The following SCFD2 variants were observed in gnomAD, a reference collection of about 807,000 sequenced individuals.
SCFD2 encodes the protein sec1 family domain-containing protein 2.
Under a neutral mutation model 58.9 loss-of-function variants are expected in SCFD2, and 54 were observed. That is an observed-to-expected ratio of 0.92 (90% confidence interval 0.74 to 1.15). The LOEUF (loss-of-function observed/expected upper bound fraction) is 1.15, where lower values mean the gene tolerates loss of function less well. Ranked by LOEUF, SCFD2 falls within the 50% of genes most tolerant of loss-of-function variation. The pLI, the probability that SCFD2 is intolerant of heterozygous loss-of-function variation, is 0.00. For missense variants in SCFD2, 805 were observed against 836.6 expected (o/e 0.96, Z 0.47); for synonymous variants, 321 against 335.9 (o/e 0.96, Z 0.49).
At chr4:53,359,870 A>G (rs1307873348) in intron 1 of SCFD2, among the ~76,000 whole-genome samples, 1 of 152,042 alleles carries the variant, frequency 6.6e-6, no homozygotes, top group Non-Finnish European at 1.5e-5. Flanking sequence ...CTACCCTACT[A>G]CCTCATTCAA....
rs192538825 is a variant in SCFD2, at chr4:53,267,388, G to A, written c.1311+6438C>T. On this transcript the variant is annotated intron_variant, in intron 4 of 8. Coordinates refer to ENST00000401642, the MANE Select transcript of SCFD2 (RefSeq NM_152540.4). ...AAACTAATGGATGAGTATATACTATGTAAAGTAAGCATGTCCATAAACAAA... is the reference window on the plus strand; with the variant it reads ...AAACTAATGGATGAGTATATACTATATAAAGTAAGCATGTCCATAAACAAA... Among the ~76,000 whole-genome samples the A allele has an allele frequency of 1.7e-3, 263 of 152,278 alleles. 2 individuals are homozygous for A. Among genetic ancestry groups the A allele is most frequent in the Middle Eastern group, 6.8e-3 (2 of 294 alleles).
At chr4:53,288,115 A>G (rs1731727360) in intron 3 of SCFD2, among the ~76,000 whole-genome samples, 1 of 151,914 alleles carries the variant, frequency 6.6e-6, no homozygotes, top group South Asian at 2.1e-4. Context: ...TAAAGAAATA[A>G]TTGAGAGTTT....
chr4:53,243,733 C>G (rs754284083), intron 4 of SCFD2, among the ~76,000 whole-genome samples: 1 of 152,024 alleles, frequency 6.6e-6, no homozygotes, highest in African/African-American at 2.4e-5. Flanking sequence ...CAGTGGTATG[C>G]TGTCTTCAAG....
chr4:52,892,036 G>C (rs539442732), intron 7 of SCFD2, among the ~76,000 whole-genome samples: 1 of 152,318 alleles, frequency 6.6e-6, no homozygotes, highest in South Asian at 2.1e-4. Flanking sequence ...AGTGTCCCCA[G>C]ATTGCTACCA....
intron 5 of SCFD2, among the ~76,000 whole-genome samples, chr4:53,033,423 G>A (rs1722670031): frequency 1.3e-5 from 2 of 152,042 alleles, no homozygotes; most frequent in Admixed American, 6.6e-5. Context: ...AGAAGCAAGA[G>A]CAAACAAATT....
Position 53,273,900 on chromosome 4 carries a change from T to C in SCFD2, c.1237A>G (p.Thr413Ala). The change falls in exon 4 of 9, where the codon ACA becomes GCA. Residue 413 changes from threonine to alanine, a missense_variant. Physicochemically the swap from Thr to Ala is moderately conservative, Grantham distance 58. Around this residue, in one of 3 missense-constraint regions of SCFD2, gnomAD observed 633 missense variants for 646.8 expected, o/e 0.98. Transcript: ENST00000401642. ...HCGLLQLGLA[T>A]AQTLKHPQTA... is the part of the protein sequence containing the mutation. Reference sequence around the variant, plus strand: ...TGTGGGTGTTTCAACGTTTGAGCTGTGGCCAGTCCAAGCTGGAGGAGGCCA... The same window carrying C: ...TGTGGGTGTTTCAACGTTTGAGCTGCGGCCAGTCCAAGCTGGAGGAGGCCA... 1 of 1,613,984 alleles carries C rather than the reference T, an allele frequency of 6.2e-7. No individual in the cohort carries two copies. Among genetic ancestry groups the C allele is most frequent in the South Asian group, 1.1e-5 (1 of 91,020 alleles).
At chr4:52,973,779 G>A (rs1466275183) in intron 5 of SCFD2, among the ~76,000 whole-genome samples, 1 of 152,162 alleles carries the variant, frequency 6.6e-6, no homozygotes, top group African/African-American at 2.4e-5. Context: ...ATAAAATACT[G>A]GCAAACCAAA....
intron 3 of SCFD2, among the ~76,000 whole-genome samples, chr4:53,300,418 A>G (rs567043516): frequency 6.6e-6 from 1 of 152,314 alleles, no homozygotes; most frequent in African/African-American, 2.4e-5. Flanking sequence ...ATATATATGC[A>G]CCCAATACAG....
At chr4:52,884,474 G>A (rs1414217983) in intron 8 of SCFD2, among the ~76,000 whole-genome samples, 1 of 152,170 alleles carries the variant, frequency 6.6e-6, no homozygotes, top group Non-Finnish European at 1.5e-5. Context: ...TCTGAGTCAT[G>A]TAACACCACC....
intron 5 of SCFD2, among the ~76,000 whole-genome samples, chr4:53,123,841 T>C (rs1184926052): frequency 6.6e-6 from 1 of 152,358 alleles, no homozygotes; most frequent in Admixed American, 6.5e-5. Flanking sequence ...CTCAGCTTTC[T>C]GATTCAGTAG....
At chr4:53,178,100 T>C (rs1459582652) in intron 4 of SCFD2, among the ~76,000 whole-genome samples, 1 of 152,174 alleles carries the variant, frequency 6.6e-6, no homozygotes, top group Admixed American at 6.5e-5. Flanking sequence ...CAGACAAATG[T>C]AAAGACAACA....
At chr4:52,946,822 T>C (rs564631618) in intron 5 of SCFD2, among the ~76,000 whole-genome samples, 11 of 152,172 alleles carry the variant, frequency 7.2e-5, no homozygotes, top group Non-Finnish European at 1.5e-4. Flanking sequence ...TCTTAGGTAC[T>C]TATGGTTGGA....
chr4:53,024,977 G>C (rs1296935083), intron 5 of SCFD2, among the ~76,000 whole-genome samples: 7 of 152,122 alleles, frequency 4.6e-5, no homozygotes, highest in African/African-American at 1.7e-4. Flanking sequence ...TGTCCCACTG[G>C]TTATACTCTA....
chr4:53,037,868 GA>G lies in SCFD2; in HGVS notation c.1561+107464del, dbSNP rs1050001935. ...CTCATCCTGGCAAAGCAAGGCCAAG[GA>G]AAAAAATCTATTGATAAACATGACA... On this transcript the variant is annotated intron_variant, in intron 5 of 8. Coordinates refer to ENST00000401642, the MANE Select transcript of SCFD2 (RefSeq NM_152540.4). Among the ~76,000 whole-genome samples the G allele has an allele frequency of 5.9e-5, 9 of 151,946 alleles. No individual in the cohort carries two copies. In the South Asian group the frequency reaches 1.7e-3, roughly 28 times the overall value.
intron 3 of SCFD2, among the ~76,000 whole-genome samples, chr4:53,277,988 G>A (rs367577275): frequency 5.9e-5 from 9 of 151,860 alleles, no homozygotes; most frequent in Non-Finnish European, 1.2e-4. Flanking sequence ...GGGAGGCGGA[G>A]CTTGCAGTAA....
chr4:53,116,609 C>T (rs999492521), intron 5 of SCFD2, among the ~76,000 whole-genome samples: 3 of 152,182 alleles, frequency 2.0e-5, no homozygotes, highest in Non-Finnish European at 4.4e-5. Context: ...CAGAAGAGCA[C>T]TTGCAGAGGT....
In SCFD2 at chr4:53,078,503, C is replaced by T. The variant is rs539057660; in HGVS notation, c.1561+66830G>A. ...AGTGTGCAATGTGTGCCTTTCTAAA[C>T]AATAGGGGCTGAATTAGAAGTCTTA... On this transcript the variant is annotated intron_variant, in intron 5 of 8. Coordinates refer to ENST00000401642, the MANE Select transcript of SCFD2 (RefSeq NM_152540.4). Among the ~76,000 whole-genome samples the T allele has an allele frequency of 9.2e-5, 14 of 152,248 alleles. No homozygotes were observed. In the South Asian group the frequency reaches 2.5e-3, roughly 27 times the overall value.
intron 5 of SCFD2, among the ~76,000 whole-genome samples, chr4:52,977,846 G>A (rs1721288291): frequency 6.6e-6 from 1 of 152,186 alleles, no homozygotes; most frequent in East Asian, 1.9e-4. Context: ...AGGATGAAGA[G>A]ACTTCATCTA....
chr4:53,276,440 T>C (rs1184414390), intron 3 of SCFD2, among the ~76,000 whole-genome samples: 1 of 152,130 alleles, frequency 6.6e-6, no homozygotes. Context: ...ACATATACAT[T>C]TATAGTTTCA....
Sources: gnomAD v4.1 joint callset for allele counts (sites outside exome capture counted in the v4.1 genomes callset) on GRCh38, gnomAD v4.1.1 for gene constraint, gnomAD v4.1.1 regional missense constraint, MANE v1.5 for transcripts, NCBI Gene and HGNC (gene_info 2026-07-23, HGNC 2026-07-21) for gene names.